The following NCKAP5L variants were observed in gnomAD, a reference collection of about 807,000 sequenced individuals.
The protein encoded by NCKAP5L is NCK associated protein 5 like.
NCKAP5L carries 54 observed loss-of-function variants against 103.2 expected under a neutral mutation model. The ratio of observed to expected loss-of-function variants is 0.52; its 90% confidence interval spans 0.42 to 0.66. The LOEUF (loss-of-function observed/expected upper bound fraction) is 0.66, where lower values mean the gene tolerates loss of function less well. NCKAP5L is among the 30% of genes least tolerant of loss of function. The probability of loss-of-function intolerance (pLI) is 0.00; values close to 1 mark genes in which losing one functional copy is unlikely to be tolerated. For synonymous variants in NCKAP5L, 762 were observed against 748.6 expected, an observed-to-expected ratio of 1.02 and a Z score of -0.29; for missense variants, 1,733 against 1,750.6, an observed-to-expected ratio of 0.99 and a Z score of 0.18.
chr12:49,811,134 G>A (rs1437598020), intron 1 of NCKAP5L, among the ~76,000 whole-genome samples: 7 of 152,162 alleles, frequency 4.6e-5, no homozygotes, highest in African/African-American at 7.2e-5. Flanking sequence ...CTCAACTTGC[G>A]TATTCTAGGA....
chr12:49,819,716 C>T (rs1339569949), intron 1 of NCKAP5L, among the ~76,000 whole-genome samples: 2 of 152,164 alleles, frequency 1.3e-5, no homozygotes, highest in East Asian at 3.9e-4. Context: ...AGAAAACAGA[C>T]ATGTGGATAG....
chr12:49,814,155 T>C (rs911594019), intron 1 of NCKAP5L, among the ~76,000 whole-genome samples: 3 of 91,312 alleles, frequency 3.3e-5, no homozygotes, highest in African/African-American at 2.3e-4. Flanking sequence ...TCCTTTATTT[T>C]ATATTTATAT....
rs1946141480 is a variant in NCKAP5L at position 49,803,274 on chromosome 12, T to C, written c.124-109A>G. On this transcript the variant is annotated intron_variant, in intron 3 of 12. Transcript: ENST00000335999. ...GAGGCAACTACAGGGGTGCTAACTA[T>C]ACCCCCACTCCAGCTCTTGGCTGTG... The C allele has an allele frequency of 4.0e-6, 4 of 993,272 alleles. No individual in the cohort carries two copies. The Admixed American group carries it at 8.2e-5, about 20-fold the overall frequency. 61.5% of individuals were successfully genotyped at this position (993,272 alleles called of 1,614,324 possible). A position where few individuals can be genotyped will look rare whatever the true frequency, so the allele number is the denominator to read the frequency against.
intron 1 of NCKAP5L, among the ~76,000 whole-genome samples, chr12:49,825,353 C>T (rs959487621): frequency 4.6e-5 from 7 of 152,126 alleles, no homozygotes; most frequent in African/African-American, 7.2e-5. Flanking sequence ...ACAGTGAGAG[C>T]GGTGGTGAAC....
At chr12:49,814,237 C>G (rs905908074) in intron 1 of NCKAP5L, among the ~76,000 whole-genome samples, 2 of 149,828 alleles carry the variant, frequency 1.3e-5, no homozygotes, top group South Asian at 4.2e-4. Flanking sequence ...GTAACCCCAG[C>G]GCTTTGGGAG....
At position 49,803,941 on chromosome 12, in the gene NCKAP5L, T is replaced by A; in HGVS notation, c.104A>T (p.His35Leu). 6.2e-7 allele frequency: 1 copy of A among 1,609,858 alleles called. No individual in the cohort carries two copies. Among genetic ancestry groups the A allele is most frequent in the Non-Finnish European group, 8.5e-7 (1 of 1,179,934 alleles). ...MEPGTCQELL[H>L]RLRELEAENS... ...CCGCACCTCCAGCTCCCGCAGTCGGTGCAGAAGCTCCTGGCAGGTGCCTGG... is the reference window on the plus strand; with the variant it reads ...CCGCACCTCCAGCTCCCGCAGTCGGAGCAGAAGCTCCTGGCAGGTGCCTGG... Residue 35 changes from histidine (H) to leucine (L), a missense_variant, in exon 3 of 13, where the codon CAC becomes CTC. Physicochemically the swap from His to Leu is moderately conservative, Grantham distance 99 (BLOSUM62 -3). Coordinates refer to ENST00000335999, the MANE Select transcript of NCKAP5L (RefSeq NM_001037806.4).
chr12:49,827,666 C>T (rs1427112460), intron 1 of NCKAP5L, among the ~76,000 whole-genome samples: 1 of 152,242 alleles, frequency 6.6e-6, no homozygotes, highest in Non-Finnish European at 1.5e-5. Context: ...GCTCCCTGCC[C>T]AACCAACCCT....
chr12:49,826,099 G>A (rs1406783903), intron 1 of NCKAP5L, among the ~76,000 whole-genome samples: 1 of 149,078 alleles, frequency 6.7e-6, no homozygotes, highest in African/African-American at 2.5e-5. Context: ...AGAATCCTTA[G>A]CCCCTTGCCT....
intron 1 of NCKAP5L, among the ~76,000 whole-genome samples, chr12:49,826,554 C>G (rs1370384812): frequency 2.0e-5 from 3 of 152,202 alleles, no homozygotes; most frequent in African/African-American, 7.2e-5. Context: ...CTAAATGGAA[C>G]CATTCTGCCA....
chr12:49,792,007 CG>C lies in NCKAP5L; in HGVS notation c.3836del (p.Pro1279ArgfsTer89). ...AAGGTGGGCCCTGGGGCGTAGGGGA[CG>C]GGCGGCTGGGCTCCTGGCTTCGCTT... ...DRKRSQEPSR[P>X]SPTPQGPPFG... is the part of the protein sequence containing the mutation. On this transcript the variant is annotated frameshift_variant, in exon 13 of 13. Coordinates refer to ENST00000335999, the MANE Select transcript of NCKAP5L (RefSeq NM_001037806.4). LOFTEE classifies it high-confidence loss of function. The surrounding 1 kb of genome is among the most constrained non-coding windows in gnomAD (Gnocchi z 4.5). 1 of 1,578,346 alleles carries C rather than the reference CG, an allele frequency of 6.3e-7. No homozygotes were observed. The highest frequency in any genetic ancestry group is 8.6e-7 in the Non-Finnish European group (1 of 1,162,738).
chr12:49,797,228 G>T lies in NCKAP5L; in HGVS notation c.632C>A (p.Pro211His), dbSNP rs1470009480. 4.3e-6 allele frequency: 7 copies of T among 1,613,456 alleles called. No individual in the cohort carries two copies. The Admixed American group carries it at 5.0e-5, about 12-fold the overall frequency. Residue 211 changes from proline to histidine, a missense_variant, in exon 8 of 13, where the codon CCC becomes CAC. Coordinates refer to ENST00000335999, the MANE Select transcript of NCKAP5L (RefSeq NM_001037806.4). The surrounding 1 kb of genome is among the most constrained non-coding windows in gnomAD (Gnocchi z 4.5). ...AGGCCCCTGGCCTGGAGGCCGCCAG[G>T]GGGTGGCAGGTGAGCAGAGAAGCAA... Reference protein sequence around the residue: ...DPLLLCSPATPWRPPGQGPGS... With the variant: ...DPLLLCSPATHWRPPGQGPGS...
In NCKAP5L at chr12:49,795,276, G is replaced by T; in HGVS notation, c.2584C>A (p.Pro862Thr). The part of the protein sequence containing the change: ...DCGSTTAQST[P>T]LVPGPTDPSQ... ...GGGTCAGTGGGGCCAGGTACTAGGG[G>T]TGTGGACTGGGCCGTGGTACTACCA... Residue 862 changes from proline (P) to threonine (T), a missense_variant, in exon 8 of 13, where the codon CCC becomes ACC. Physicochemically the swap from Pro to Thr is conservative, Grantham distance 38. Coordinates refer to ENST00000335999, the MANE Select transcript of NCKAP5L (RefSeq NM_001037806.4). The T allele has an allele frequency of 2.0e-6, 3 of 1,537,300 alleles. No homozygotes were observed. Among genetic ancestry groups the T allele is most frequent in the Non-Finnish European group, 2.6e-6 (3 of 1,144,140 alleles).
At position 49,791,774 on chromosome 12, in the gene NCKAP5L, C is replaced by T; in HGVS notation, c.*65G>A. ...GGGGTCCCCGTCTCCGGGGGCTGGGCATGAAGAGAGCCGGTCCAGTCTGTG... is the reference window on the plus strand; with the variant it reads ...GGGGTCCCCGTCTCCGGGGGCTGGGTATGAAGAGAGCCGGTCCAGTCTGTG... On this transcript the variant is annotated 3_prime_UTR_variant, in exon 13 of 13. Transcript: ENST00000335999. The T allele has an allele frequency of 2.1e-6, 3 of 1,398,250 alleles. No homozygotes were observed. The highest frequency in any genetic ancestry group is 2.9e-5 in the South Asian group (2 of 68,862). The allele number at this position is 1,398,250 out of a possible 1,614,324, so 86.6% of individuals were successfully genotyped here.
At position 49,828,404 on chromosome 12, in the gene NCKAP5L, G is replaced by A. The variant is rs975818122; in HGVS notation, c.-181C>T. 6.5e-6 allele frequency: 1 copy of A among 152,756 alleles called. No homozygotes were observed. The highest frequency in any genetic ancestry group is 6.5e-5 in the Admixed American group (1 of 15,286). 9.5% of individuals were successfully genotyped at this position (152,756 alleles called of 1,614,324 possible). ...GGCTTGGGGGCGGGGGGCAGAGAAA[G>A]GGGGGTGCCGGAGCCGCCTCCTGAT... is the stretch of plus-strand genomic sequence containing the variant. On this transcript the variant is annotated 5_prime_UTR_variant, in exon 1 of 13. Transcript: ENST00000335999.
chr12:49,824,536 C>T (rs748846248), intron 1 of NCKAP5L, among the ~76,000 whole-genome samples: 2 of 152,240 alleles, frequency 1.3e-5, no homozygotes, highest in South Asian at 2.1e-4. Context: ...GTCCAGTTGG[C>T]GTCTGCCCTC....
chr12:49,791,922 C>T lies in NCKAP5L; in HGVS notation c.3922G>A (p.Gly1308Arg), dbSNP rs372815906. ...DMAEEGRVAS[G>R]GPPGLETSES... ...GAGGTCTCCAGCCCTGGGGGGCCCC[C>T]GCTGGCCACTCTGCCTTCCTCGGCC... The change falls in exon 13 of 13, where the codon GGG becomes AGG. Residue 1308 changes from glycine to arginine, a missense_variant. By Grantham distance (125) the Gly-to-Arg change is moderately radical (BLOSUM62 -2). Coordinates refer to ENST00000335999, the MANE Select transcript of NCKAP5L (RefSeq NM_001037806.4). 26 of 1,612,152 alleles carry T rather than the reference C, an allele frequency of 1.6e-5. No individual in the cohort carries two copies. The highest frequency in any genetic ancestry group is 2.7e-5 in the African/African-American group (2 of 74,930).
intron 1 of NCKAP5L, among the ~76,000 whole-genome samples, chr12:49,823,418 C>G (rs1027839253): frequency 1.3e-5 from 2 of 152,056 alleles, no homozygotes; most frequent in African/African-American, 4.8e-5. Context: ...GCTGAGAACC[C>G]CAGAGCCACA....
intron 1 of NCKAP5L, among the ~76,000 whole-genome samples, chr12:49,809,544 G>A (rs1181145834): frequency 2.6e-5 from 4 of 152,208 alleles, no homozygotes; most frequent in South Asian, 2.1e-4. Context: ...AGAATCACCC[G>A]TAACACCAAC....
At position 49,795,034 on chromosome 12, in the gene NCKAP5L, C is replaced by G. The variant is rs765500970; in HGVS notation, c.2826G>C (p.Glu942Asp). Residue 942 changes from glutamate to aspartate, a missense_variant, in exon 8 of 13, where the codon GAG (glutamate) becomes GAC (aspartate). Coordinates refer to ENST00000335999, the MANE Select transcript of NCKAP5L (RefSeq NM_001037806.4). ...GGAGCGGGGAGCCCCCGCCAGCCCC[C>G]TCCTTGTTCTTGGTGGCCTCTGTGC... ...NRRTEATKNK[E>D]GAGGGSPLRR... 6.2e-7 allele frequency: 1 copy of G among 1,609,608 alleles called. No homozygotes were observed.
Sources: allele counts gnomAD v4.1 joint callset (sites outside exome capture counted in the v4.1 genomes callset), GRCh38; gene constraint gnomAD v4.1.1; non-coding constraint Gnocchi (gnomAD v3.1); transcripts MANE v1.5; gene names NCBI Gene and HGNC (gene_info 2026-07-23, HGNC 2026-07-21).